The following LRP1B variants were observed in gnomAD, a reference collection of about 807,000 sequenced individuals.
The protein encoded by LRP1B is LDL receptor related protein 1B.
LRP1B carries 217 observed loss-of-function variants against 556.6 expected under a neutral mutation model. That is an observed-to-expected ratio of 0.39 (90% CI 0.35 to 0.44). LRP1B has a LOEUF of 0.44. Among genes scored for constraint, LRP1B ranks in the 20% least tolerant of loss-of-function variants. The pLI, the probability that LRP1B is intolerant of heterozygous loss-of-function variation, is 1.00. For missense variants in LRP1B, 5,053 were observed against 5,620.8 expected (o/e 0.90, Z 3.23); for synonymous variants, 2,047 against 1,865.8 (o/e 1.10, Z -2.50).
intron 2 of LRP1B, among the ~76,000 whole-genome samples, chr2:141,591,535 T>G (rs1040763962): frequency 6.6e-6 from 1 of 151,984 alleles, no homozygotes; most frequent in Non-Finnish European, 1.5e-5. Flanking sequence ...AATTGAAGTT[T>G]TCCTCGGGCA....
intron 21 of LRP1B, among the ~76,000 whole-genome samples, chr2:140,920,308 C>G (rs1354307879): frequency 2.6e-5 from 4 of 151,956 alleles, no homozygotes; most frequent in Admixed American, 2.0e-4. Context: ...GAAGTTAGCT[C>G]TCATTCTCAT....
intron 87 of LRP1B, among the ~76,000 whole-genome samples, chr2:140,246,570 TCAAAAC>T (rs1447578048): frequency 1.5e-5 from 1 of 64,758 alleles, no homozygotes; most frequent in African/African-American, 3.5e-5. Context: ...TTAATATACT[TCAAAAC>T]CAATACTTTA....
At chr2:140,727,839 A>T (rs892540216) in intron 35 of LRP1B, among the ~76,000 whole-genome samples, 1 of 152,216 alleles carries the variant, frequency 6.6e-6, no homozygotes, top group Non-Finnish European at 1.5e-5. Flanking sequence ...TTGATATTCC[A>T]TATTAAAAGG....
intron 59 of LRP1B, among the ~76,000 whole-genome samples, chr2:140,483,677 G>T (rs1298142970): frequency 7.9e-6 from 1 of 126,292 alleles, no homozygotes; most frequent in Non-Finnish European, 1.6e-5. Context: ...GTCTGGCTGT[G>T]TCACCCAGGC....
chr2:141,267,107 C>T (rs1420218890), intron 3 of LRP1B, among the ~76,000 whole-genome samples: 3 of 152,106 alleles, frequency 2.0e-5, no homozygotes, highest in African/African-American at 7.2e-5. Context: ...TTATAAACAC[C>T]TTCTGTGGGT....
intron 86 of LRP1B, among the ~76,000 whole-genome samples, chr2:140,266,086 A>C (rs182596350): frequency 1.5e-4 from 23 of 152,048 alleles, no homozygotes; most frequent in Admixed American, 1.4e-3. Flanking sequence ...GTCTTCTTAA[A>C]TACATTAGTC....
At chr2:140,514,601 G>A in intron 51 of LRP1B, 52 bp downstream of exon 51, 1 of 1,497,750 alleles carries the variant, frequency 6.7e-7, no homozygotes, top group Non-Finnish European at 9.0e-7. Context: ...TAAAATGATA[G>A]AGCATATATA....
chr2:141,051,757 T>C lies in LRP1B; in HGVS notation c.1553-2535A>G, dbSNP rs1425596715. Among the ~76,000 whole-genome samples, 9 of 152,176 alleles carry C rather than the reference T, an allele frequency of 5.9e-5. No individual in the cohort carries two copies. The East Asian group carries it at 1.2e-3, about 20-fold the overall frequency. ...CAGCAGCAGATTGTTTAATTTTGCA[T>C]GTTTGAATTGCATGTGTGAATTTTG... On this transcript the variant is annotated intron_variant, in intron 10 of 90. Coordinates refer to ENST00000389484, the MANE Select transcript of LRP1B (RefSeq NM_018557.3).
At chr2:141,467,670 T>C (rs1170440360) in intron 3 of LRP1B, among the ~76,000 whole-genome samples, 1 of 152,102 alleles carries the variant, frequency 6.6e-6, no homozygotes, top group Non-Finnish European at 1.5e-5. Context: ...GTAGTTATAG[T>C]CATCAAGGAG....
chr2:141,948,856 G>T (rs767178007), intron 1 of LRP1B, among the ~76,000 whole-genome samples: 1 of 151,902 alleles, frequency 6.6e-6, no homozygotes, highest in African/African-American at 2.4e-5. Flanking sequence ...AAATGATGGG[G>T]AGGAAAATAT....
chr2:142,005,479 C>T, intron 1 of LRP1B, among the ~76,000 whole-genome samples: 1 of 152,092 alleles, frequency 6.6e-6, no homozygotes, highest in Admixed American at 6.6e-5. Context: ...ATACATAATT[C>T]ATTTTGAATG....
rs1336107182 is a variant in LRP1B, at chr2:141,528,583, T to A, written c.206-48050A>T. Among the ~76,000 whole-genome samples, 5 of 152,124 alleles carry A rather than the reference T, an allele frequency of 3.3e-5. No individual in the cohort carries two copies. The East Asian group carries it at 9.6e-4, about 29-fold the overall frequency. On this transcript the variant is annotated intron_variant, in intron 2 of 90. Coordinates refer to ENST00000389484, the MANE Select transcript of LRP1B (RefSeq NM_018557.3). ...ACATGCATATGAAAATATATACACA[T>A]ATATAGTACACACAAATATTTCAAT...
intron 35 of LRP1B, among the ~76,000 whole-genome samples, chr2:140,736,902 C>T (rs1206834227): frequency 2.6e-5 from 4 of 152,070 alleles, no homozygotes; most frequent in African/African-American, 9.7e-5. Context: ...AACCAAAAGG[C>T]CGTAACTACC....
chr2:140,969,873 T>G (rs4525628), intron 18 of LRP1B, among the ~76,000 whole-genome samples: 128,741 of 152,150 alleles, frequency 0.85, 55,027 homozygotes, highest in Non-Finnish European at 0.9. Context: ...GCTTGTAGAG[T>G]TTCTGCCGAG....
At chr2:140,896,822 G>A (rs1056919955) in intron 23 of LRP1B, among the ~76,000 whole-genome samples, 2 of 151,944 alleles carry the variant, frequency 1.3e-5, no homozygotes, top group East Asian at 3.9e-4. Flanking sequence ...TTAATGTCAA[G>A]AGGGATAAGG....
intron 67 of LRP1B, among the ~76,000 whole-genome samples, chr2:140,378,603 T>A (rs928786821): frequency 3.3e-5 from 5 of 152,188 alleles, no homozygotes; most frequent in African/African-American, 1.2e-4. Context: ...CAATGATCTT[T>A]TTTAGTTGCT....
chr2:141,584,439 C>T (rs1687059837), intron 2 of LRP1B, among the ~76,000 whole-genome samples: 1 of 151,998 alleles, frequency 6.6e-6, no homozygotes, highest in Non-Finnish European at 1.5e-5. Context: ...TAAGAATCGA[C>T]CATACTAATT....
In LRP1B at chr2:140,503,239, G is replaced by A. The variant is rs528246661; in HGVS notation, c.8522-136C>T. The A allele has an allele frequency of 7.5e-6, 6 of 803,678 alleles. No individual in the cohort carries two copies. In the African/African-American group the frequency reaches 1.0e-4, roughly 14 times the overall value. The allele number at this position is 803,678 out of a possible 1,614,324, so 49.8% of individuals were successfully genotyped here. A position where few individuals can be genotyped will look rare whatever the true frequency, so the allele number is the denominator to read the frequency against. ...TGAGAAATATTTCTCATTTCTTTCT[G>A]TAACAGTGGTTATAGTTGCAAGAGA... On this transcript the variant is annotated intron_variant, in intron 53 of 90. Transcript: ENST00000389484.
At chr2:140,964,144 G>A (rs1406175302) in intron 18 of LRP1B, among the ~76,000 whole-genome samples, 1 of 152,196 alleles carries the variant, frequency 6.6e-6, no homozygotes, top group Non-Finnish European at 1.5e-5. Context: ...AGGCAGAGAG[G>A]GAGAGGAGAC....
Sources: allele counts gnomAD v4.1 joint callset (sites outside exome capture counted in the v4.1 genomes callset), GRCh38; gene constraint gnomAD v4.1.1; transcripts MANE v1.5; gene names NCBI Gene and HGNC (gene_info 2026-07-23, HGNC 2026-07-21).